NCKAP5: variants seen among roughly 807,000 people sequenced by gnomAD.
The protein encoded by NCKAP5 is NCK associated protein 5.
NCKAP5 carries 92 observed loss-of-function variants against 167.0 expected under a neutral mutation model. That is an observed-to-expected ratio of 0.55 (90% CI 0.47 to 0.66). The LOEUF (loss-of-function observed/expected upper bound fraction) is 0.66, where lower values mean the gene tolerates loss of function less well. NCKAP5 is among the 30% of genes least tolerant of loss of function. The probability of loss-of-function intolerance (pLI) is 0.00; values close to 1 mark genes in which losing one functional copy is unlikely to be tolerated. For missense variants in NCKAP5, 2,378 were observed against 2,315.0 expected, an observed-to-expected ratio of 1.03 and a Z score of -0.56; for synonymous variants, 891 against 877.4, an observed-to-expected ratio of 1.02 and a Z score of -0.27.
chr2:133,381,464 A>G (rs1315440496), intron 3 of NCKAP5: 1 of 152,246 alleles, frequency 6.6e-6, no homozygotes, highest in Non-Finnish European at 1.5e-5. Flanking sequence ...GAGAGATTCA[A>G]AATAGCCAAG....
At chr2:133,666,080 T>G in the NCKAP5 span, among the ~76,000 whole-genome samples, 1 of 151,994 alleles carries the variant, frequency 6.6e-6, no homozygotes, top group Non-Finnish European at 1.5e-5. Flanking sequence ...GATACATATA[T>G]GTAGAGAAAT....
chr2:133,129,232 T>C lies in NCKAP5; in HGVS notation c.341+746A>G, dbSNP rs60798616. On this transcript the variant is annotated intron_variant, in intron 6 of 19. Coordinates refer to ENST00000409261, the MANE Select transcript of NCKAP5 (RefSeq NM_207363.3). ...TTAGCATTAGGTATATCTCCCAATG[T>C]TATCCCTCCCCGCTCCCCCCACCCC... 6.2e-3 allele frequency among the ~76,000 whole-genome samples: 944 copies of C among 152,058 alleles called. 11 individuals are homozygous for C. Among genetic ancestry groups the C allele is most frequent in the African/African-American group, 0.021 (890 of 41,456 alleles).
At chr2:132,851,416 C>A (rs1426649094) in intron 11 of NCKAP5, among the ~76,000 whole-genome samples, 1 of 152,120 alleles carries the variant, frequency 6.6e-6, no homozygotes, top group African/African-American at 2.4e-5. Flanking sequence ...CCCTGAGAAT[C>A]TTTATCTTCA....
the NCKAP5 span, among the ~76,000 whole-genome samples, chr2:133,582,455 C>T: frequency 2.6e-5 from 4 of 152,206 alleles, no homozygotes; most frequent in African/African-American, 9.6e-5. Flanking sequence ...ACTCCTCCTT[C>T]AGCTAGATCT....
chr2:132,953,440 T>C (rs1166635737), intron 8 of NCKAP5, among the ~76,000 whole-genome samples: 1 of 152,202 alleles, frequency 6.6e-6, no homozygotes, highest in African/African-American at 2.4e-5. Flanking sequence ...TACATTTTTC[T>C]AAAATTTTAA....
intron 7 of NCKAP5, among the ~76,000 whole-genome samples, chr2:132,987,101 G>T (rs950936404): frequency 6.6e-6 from 1 of 152,160 alleles, no homozygotes; most frequent in East Asian, 1.9e-4. Flanking sequence ...CAGCAGTTGT[G>T]GTTCTCCTGT....
intron 2 of NCKAP5, among the ~76,000 whole-genome samples, chr2:133,535,334 A>C (rs566132684): frequency 6.6e-6 from 1 of 151,718 alleles, no homozygotes; most frequent in Non-Finnish European, 1.5e-5. Flanking sequence ...ATTTCCCTCT[A>C]TATGTCCGTG....
chr2:132,906,187 T>A (rs1693996694), intron 8 of NCKAP5, among the ~76,000 whole-genome samples: 1 of 152,204 alleles, frequency 6.6e-6, no homozygotes, highest in African/African-American at 2.4e-5. Context: ...TTTGCCAGAT[T>A]TGGGTATCTT....
intron 8 of NCKAP5, among the ~76,000 whole-genome samples, chr2:132,949,048 A>AGAAAAGAAAC (rs2076100297): frequency 3.8e-5 from 5 of 129,872 alleles, no homozygotes; most frequent in Admixed American, 2.2e-4. Context: ...AGAAAAGAAA[A>AGAAAAGAAAC]GAAACATGGT....
intron 6 of NCKAP5, among the ~76,000 whole-genome samples, chr2:133,070,869 T>C (rs2080371486): frequency 6.6e-6 from 1 of 152,214 alleles, no homozygotes; most frequent in African/African-American, 2.4e-5. Flanking sequence ...TATAACATTT[T>C]ACATATATAT....
intron 8 of NCKAP5, among the ~76,000 whole-genome samples, chr2:132,939,830 T>C (rs1388297856): frequency 6.6e-6 from 1 of 152,052 alleles, no homozygotes; most frequent in East Asian, 1.9e-4. Context: ...TGAAATCCTG[T>C]CTCTACTAAA....
In NCKAP5 at chr2:133,544,637, C is replaced by A. The variant is rs547682443; in HGVS notation, c.-62+14413G>T. ...GGCACTTCACTGACAAATAACTTAT[C>A]ACTATTACAGATGCTACTGCAGTGT... On this transcript the variant is annotated intron_variant, in intron 2 of 19. Coordinates refer to ENST00000409261, the MANE Select transcript of NCKAP5 (RefSeq NM_207363.3). Among the ~76,000 whole-genome samples, 3 of 152,260 alleles carry A rather than the reference C, an allele frequency of 2.0e-5. No individual in the cohort carries two copies. The South Asian group carries it at 6.2e-4, about 32-fold the overall frequency.
Position 133,047,002 on chromosome 2 carries a change from A to G in NCKAP5, c.342-52763T>C, listed in dbSNP as rs2079424355. Among the ~76,000 whole-genome samples, 4 of 152,322 alleles carry G rather than the reference A, an allele frequency of 2.6e-5. 1 individual carries two copies. In the South Asian group the frequency reaches 8.3e-4, roughly 32 times the overall value. Reference sequence around the variant, plus strand: ...TATCAAAACAATGCATACAAAAAATATTTCAGAGTGATTTGCCCTTGTTTC... The same window carrying G: ...TATCAAAACAATGCATACAAAAAATGTTTCAGAGTGATTTGCCCTTGTTTC... On this transcript the variant is annotated intron_variant, in intron 6 of 19. Coordinates refer to ENST00000409261, the MANE Select transcript of NCKAP5 (RefSeq NM_207363.3).
At chr2:133,374,963 C>T (rs561665336) in intron 3 of NCKAP5, among the ~76,000 whole-genome samples, 2 of 152,242 alleles carry the variant, frequency 1.3e-5, no homozygotes, top group East Asian at 3.9e-4. Flanking sequence ...GAGTATAGAA[C>T]CCAAAGCCAA....
intron 3 of NCKAP5, among the ~76,000 whole-genome samples, chr2:133,403,683 G>T (rs1194376397): frequency 2.0e-5 from 3 of 152,308 alleles, no homozygotes; most frequent in East Asian, 3.9e-4. Flanking sequence ...TTTGCAAAGT[G>T]CTGCCATGGA....
chr2:132,934,478 C>A (rs575349543), intron 8 of NCKAP5, among the ~76,000 whole-genome samples: 1 of 151,958 alleles, frequency 6.6e-6, no homozygotes, highest in East Asian at 1.9e-4. Flanking sequence ...GAGGCTGAGG[C>A]ACGAGAATTG....
At chr2:133,031,818 C>A (rs1423561996) in intron 6 of NCKAP5, among the ~76,000 whole-genome samples, 2 of 152,166 alleles carry the variant, frequency 1.3e-5, no homozygotes, top group African/African-American at 4.8e-5. Flanking sequence ...TGAGGCCCCA[C>A]TTCAGGACCT....
chr2:133,539,746 GA>G (rs1246601682), intron 2 of NCKAP5, among the ~76,000 whole-genome samples: 2 of 152,054 alleles, frequency 1.3e-5, no homozygotes, highest in African/African-American at 4.8e-5. Context: ...AGCACAGAGA[GA>G]AAAGTTGAAG....
At chr2:133,236,936 C>T (rs142259834) in intron 4 of NCKAP5, among the ~76,000 whole-genome samples, 186 of 152,070 alleles carry the variant, frequency 1.2e-3, no homozygotes, top group African/African-American at 4.2e-3. Flanking sequence ...AATGCTATCC[C>T]TCTCTCCTCT....
Sources: allele counts gnomAD v4.1 joint callset (sites outside exome capture counted in the v4.1 genomes callset), GRCh38; gene constraint gnomAD v4.1.1; transcripts MANE v1.5; gene names NCBI Gene and HGNC (gene_info 2026-07-23, HGNC 2026-07-21).